The following RNF8 variants were observed in gnomAD, a reference collection of about 807,000 sequenced individuals.
RNF8 encodes the protein E3 ubiquitin-protein ligase RNF8.
RNF8 carries 8 observed loss-of-function variants against 59.3 expected under a neutral mutation model. The observed-to-expected ratio is 0.13, with a 90% CI of 0.08 to 0.24. The LOEUF (loss-of-function observed/expected upper bound fraction) is 0.24, where lower values mean the gene tolerates loss of function less well. RNF8 is among the 10% of genes least tolerant of loss of function. The pLI, the probability that RNF8 is intolerant of heterozygous loss-of-function variation, is 1.00. For synonymous variants in RNF8, 162 were observed against 200.0 expected (o/e 0.81, Z 1.60); for missense variants, 406 against 572.6 (o/e 0.71, Z 2.97).
rs570570043 is a variant in RNF8 at position 37,392,652 on chromosome 6, C to T, written c.*1894C>T. The T allele has an allele frequency of 7.5e-6, 3 of 398,564 alleles. No individual in the cohort carries two copies. The highest frequency in any genetic ancestry group is 1.3e-4 in the South Asian group (1 of 7,866). The allele number at this position is 398,564 out of a possible 1,614,324, so 24.7% of individuals were successfully genotyped here. A position where few individuals can be genotyped will look rare whatever the true frequency, so the allele number is the denominator to read the frequency against. On this transcript the variant is annotated 3_prime_UTR_variant, in exon 8 of 8. Transcript: ENST00000373479. ...AGTACATAGTTTCCTTTCTTTATTA[C>T]AGCTGCCTGTTTTTTCATTGTGTAT...
At chr6:37,381,384 A>T (rs781669249) in intron 7 of RNF8, 30 bp downstream of exon 7, 2 of 1,581,740 alleles carry the variant, frequency 1.3e-6, no homozygotes, top group Non-Finnish European at 1.7e-6. Context: ...CCTACCCCTC[A>T]AGAAAGGACT....
In RNF8 at chr6:37,374,649, C is replaced by T. The variant is rs1769937254; in HGVS notation, c.1068C>T (p.Arg356=). 6.2e-7 allele frequency: 1 copy of T among 1,613,918 alleles called. No individual in the cohort carries two copies. The highest frequency in any genetic ancestry group is 2.2e-5 in the East Asian group (1 of 44,906). ...GGGCTCTAATGGAAGAGCTAAATCG[C>T]AGCAAGAAGGACTTTGAAGCAATCA... The part of the protein sequence containing the change: ...EHWALMEELN[R]SKKDFEAIIQ... Residue 356 remains arginine (R), a synonymous_variant, in exon 5 of 8, where the codon CGC becomes CGT. Coordinates refer to ENST00000373479, the MANE Select transcript of RNF8 (RefSeq NM_003958.4).
intron 3 of RNF8, 115 bp downstream of exon 3, chr6:37,369,333 G>A: frequency 2.4e-6 from 3 of 1,251,128 alleles, no homozygotes; most frequent in Non-Finnish European, 3.3e-6. Flanking sequence ...GAGCACCAAA[G>A]ACAGGAAATG....
chr6:37,390,704 G>T, intron 7 of RNF8, 38 bp from the exon 8 acceptor site: 1 of 1,499,720 alleles, frequency 6.7e-7, no homozygotes, highest in Admixed American at 1.7e-5. Context: ...GGAAATACAG[G>T]CTCCTCATTT....
At chr6:37,375,928 G>C (rs116219671) in intron 5 of RNF8, among the ~76,000 whole-genome samples, 2,350 of 152,334 alleles carry the variant, frequency 0.015, 53 homozygotes, top group African/African-American at 0.053. Flanking sequence ...TCCACACGCA[G>C]TCTGACCTCT....
intron 7 of RNF8, among the ~76,000 whole-genome samples, chr6:37,387,596 C>A (rs1227325492): frequency 3.9e-5 from 6 of 152,200 alleles, no homozygotes; most frequent in African/African-American, 1.4e-4. Context: ...CCCACCTCAG[C>A]TTCCCACAGC....
intron 4 of RNF8, among the ~76,000 whole-genome samples, chr6:37,374,039 T>G (rs552833013): frequency 2.1e-4 from 32 of 152,352 alleles, no homozygotes; most frequent in African/African-American, 7.7e-4. Context: ...GTGTGCCTTC[T>G]TCCAGAAAAC....
At chr6:37,376,103 A>G (rs1770002547) in intron 5 of RNF8, among the ~76,000 whole-genome samples, 1 of 152,258 alleles carries the variant, frequency 6.6e-6, no homozygotes, top group Admixed American at 6.5e-5. Context: ...GAACACAGCA[A>G]CTTTATAACT....
intron 7 of RNF8, among the ~76,000 whole-genome samples, chr6:37,390,204 T>C (rs1443867470): frequency 2.0e-5 from 3 of 152,238 alleles, no homozygotes; most frequent in African/African-American, 7.2e-5. Context: ...CTGTTCTAGA[T>C]GCTGAGAATG....
intron 7 of RNF8, among the ~76,000 whole-genome samples, chr6:37,385,164 C>T (rs113654896): frequency 0.068 from 10,389 of 151,728 alleles, 1,107 homozygotes; most frequent in African/African-American, 0.23. Context: ...CAAGCATGTG[C>T]CATCATGCCC....
intron 4 of RNF8, among the ~76,000 whole-genome samples, chr6:37,372,168 T>G (rs1365929592): frequency 2.0e-5 from 3 of 152,260 alleles, no homozygotes; most frequent in African/African-American, 7.2e-5. Flanking sequence ...TTTGCATCTT[T>G]AAAACCTACT....
chr6:37,371,975 T>C (rs195381), intron 4 of RNF8, among the ~76,000 whole-genome samples: 14,468 of 152,168 alleles, frequency 0.095, 2,188 homozygotes, highest in African/African-American at 0.32. Flanking sequence ...CCAGAAACAA[T>C]TGGGGAATGT....
intron 1 of RNF8, among the ~76,000 whole-genome samples, chr6:37,357,593 A>C (rs1298617009): frequency 6.6e-6 from 1 of 152,206 alleles, no homozygotes; most frequent in Non-Finnish European, 1.5e-5. Context: ...TTTAACAGAT[A>C]TGTGTATTCA....
Position 37,376,941 on chromosome 6 carries a change from A to T in RNF8, c.1144A>T (p.Met382Leu), listed in dbSNP as rs1770042843. 2 of 1,612,546 alleles carry T rather than the reference A, an allele frequency of 1.2e-6. No homozygotes were observed. The highest frequency in any genetic ancestry group is 1.7e-6 in the Non-Finnish European group (2 of 1,178,712). The change falls in exon 6 of 8, where the codon ATG (methionine) becomes TTG (leucine). Residue 382 changes from methionine (M) to leucine (L), a missense_variant. Coordinates refer to ENST00000373479, the MANE Select transcript of RNF8 (RefSeq NM_003958.4). ...TGTCTTGCAGGAAGAGAAGGAGAAG[A>T]TGCAAGCACAGAAGGAAGAAGTTCT... is the stretch of plus-strand genomic sequence containing the variant. ...LEQTKEEKEK[M>L]QAQKEEVLSH...
At chr6:37,359,881 A>C (rs570033194) in intron 1 of RNF8, among the ~76,000 whole-genome samples, 1 of 152,384 alleles carries the variant, frequency 6.6e-6, no homozygotes, top group East Asian at 1.9e-4. Context: ...GACTCATTAG[A>C]ATGGCAAAGG....
intron 7 of RNF8, among the ~76,000 whole-genome samples, chr6:37,388,303 T>G (rs1289054455): frequency 6.6e-6 from 1 of 152,164 alleles, no homozygotes; most frequent in Non-Finnish European, 1.5e-5. Flanking sequence ...GCACCTGAGT[T>G]GATGATGATG....
chr6:37,389,796 T>C (rs975394613), intron 7 of RNF8, among the ~76,000 whole-genome samples: 3 of 152,164 alleles, frequency 2.0e-5, no homozygotes, highest in African/African-American at 7.2e-5. Context: ...TTGAGGCTGT[T>C]AGCTAAGAGG....
intron 6 of RNF8, among the ~76,000 whole-genome samples, chr6:37,379,137 C>T (rs1046450319): frequency 2.0e-5 from 3 of 152,236 alleles, no homozygotes; most frequent in East Asian, 3.9e-4. Context: ...CCTCAGCCTC[C>T]GGAGTAGCTG....
chr6:37,368,649 C>G lies in RNF8; in HGVS notation c.406C>G (p.Leu136Val), dbSNP rs780644916. The change falls in exon 3 of 8, where the codon CTT becomes GTT. Residue 136 changes from leucine to valine, a missense_variant. By Grantham distance (32) the Leu-to-Val change is conservative. Transcript: ENST00000373479. ...AGACTGGGAGACAATATATCCTTGT[C>G]TTTCCCCAAAGAATGACCAAATGAT... Reference protein sequence around the residue: ...EEDWETIYPCLSPKNDQMIEK... With the variant: ...EEDWETIYPCVSPKNDQMIEK... 1.2e-5 allele frequency: 19 copies of G among 1,613,896 alleles called. No homozygotes were observed. In the East Asian group the frequency reaches 3.3e-4, roughly 28 times the overall value.
Sources: allele counts gnomAD v4.1 joint callset (sites outside exome capture counted in the v4.1 genomes callset), GRCh38; gene constraint gnomAD v4.1.1; transcripts MANE v1.5; gene names NCBI Gene and HGNC (gene_info 2026-07-23, HGNC 2026-07-21).